The following PMEL variants were observed in gnomAD, a reference collection of about 807,000 sequenced individuals.
PMEL encodes melanocyte protein PMEL.
Under a neutral mutation model 64.9 loss-of-function variants are expected in PMEL, and 53 were observed. The observed-to-expected ratio is 0.82, with a 90% confidence interval of 0.66 to 1.03. PMEL has a LOEUF of 1.03. Ranked by LOEUF, PMEL falls within the 50% of genes least tolerant of loss-of-function variation. The probability of loss-of-function intolerance (pLI) is 0.00; values close to 1 mark genes in which losing one functional copy is unlikely to be tolerated. For synonymous variants in PMEL, 299 were observed against 316.2 expected (o/e 0.95, Z 0.58); for missense variants, 716 against 814.9 (o/e 0.88, Z 1.48).
chr12:55,964,393 C>CTTTGAG (rs1241810475), intron 1 of PMEL, among the ~76,000 whole-genome samples: 1 of 151,962 alleles, frequency 6.6e-6, no homozygotes, highest in African/African-American at 2.4e-5. Flanking sequence ...CTCCCAACTT[C>CTTTGAG]AGCTGATCCA....
In PMEL at chr12:55,955,519, C is replaced by A; in HGVS notation, c.1707G>T (p.Val569=). ...KGGSGTYCLN[V]SLADTNSLAV... is the part of the protein sequence containing the mutation. ...CCAGGCTGTTGGTATCAGCCAGAGA[C>A]ACATTGAGGCAGTATGTCCCCGAGC... The change falls in exon 9 of 11, where the codon GTG becomes GTT. Residue 569 remains valine (V), a synonymous_variant. Transcript: ENST00000548747. 1 of 1,614,138 alleles carries A rather than the reference C, an allele frequency of 6.2e-7. No individual in the cohort carries two copies. Among genetic ancestry groups the A allele is most frequent in the Non-Finnish European group, 8.5e-7 (1 of 1,180,038 alleles).
chr12:55,964,903 T>A (rs1197274850), intron 1 of PMEL, among the ~76,000 whole-genome samples: 1 of 149,386 alleles, frequency 6.7e-6, no homozygotes, highest in Non-Finnish European at 1.5e-5. Context: ...AGGCATGAGT[T>A]ACTGTGCCGG....
chr12:55,957,928 A>G lies in PMEL; in HGVS notation c.626T>C (p.Ile209Thr). Residue 209 changes from isoleucine to threonine, a missense_variant, in exon 5 of 11, where the codon ATT (isoleucine) becomes ACT (threonine). Transcript: ENST00000548747. ...GCCCCTTCCTAAACCCTTACCAGTA[A>G]TGGTGAAGGCTGAGCTGGAATGAGC... ...PLAHSSSAFT[I>T]TDQVPFSVSV... 1.9e-6 allele frequency: 3 copies of G among 1,614,104 alleles called. No homozygotes were observed. Among genetic ancestry groups the G allele is most frequent in the Non-Finnish European group, 2.5e-6 (3 of 1,179,992 alleles).
intron 1 of PMEL, among the ~76,000 whole-genome samples, chr12:55,962,860 C>T (rs1889158730): frequency 6.6e-6 from 1 of 150,786 alleles, no homozygotes; most frequent in African/African-American, 2.4e-5. Flanking sequence ...ACATAATTCA[C>T]ATACCATAAA....
intron 2 of PMEL, 76 bp from the exon 3 acceptor site, chr12:55,961,539 A>C (rs1889101870): frequency 6.3e-7 from 1 of 1,598,168 alleles, no homozygotes; most frequent in Non-Finnish European, 8.6e-7. Flanking sequence ...TTTTCTTCCC[A>C]AGCTACACTC....
In PMEL at chr12:55,955,823, G is replaced by T; in HGVS notation, c.1512C>A (p.Ser504=). 1 of 1,614,062 alleles carries T rather than the reference G, an allele frequency of 6.2e-7. No individual in the cohort carries two copies. Among genetic ancestry groups the T allele is most frequent in the Non-Finnish European group, 8.5e-7 (1 of 1,179,944 alleles). The part of the protein sequence containing the change: ...ESAEILQAVP[S]GEGDAFELTV... ...TCAGCTCAAATGCATCCCCCTCACC[G>T]GACGGCACAGCCTGCAGGATCTCGG... Residue 504 remains serine, a synonymous_variant, in exon 8 of 11, where the codon TCC becomes TCA. Coordinates refer to ENST00000548747, the MANE Select transcript of PMEL (RefSeq NM_001384361.1).
rs903007153 is a variant in PMEL, at chr12:55,958,314, AG to A, written c.469+158del. ...CCAGAAAGAATTATGATAGAGTTGA[AG>A]GGGGCTAGGTGCTAAGAAAGAGAAA... On this transcript the variant is annotated intron_variant, in intron 4 of 10. Transcript: ENST00000548747. 46 of 814,348 alleles carry A rather than the reference AG, an allele frequency of 5.6e-5. 1 individual carries two copies. The African/African-American group carries it at 7.2e-4, about 13-fold the overall frequency. 50.4% of individuals were successfully genotyped at this position (814,348 alleles called of 1,614,324 possible). A position where few individuals can be genotyped will look rare whatever the true frequency, so the allele number is the denominator to read the frequency against.
Position 55,955,477 on chromosome 12 carries a change from C to G in PMEL, c.1749G>C (p.Gln583His). 1 of 1,614,098 alleles carries G rather than the reference C, an allele frequency of 6.2e-7. No individual in the cohort carries two copies. Among genetic ancestry groups the G allele is most frequent in the East Asian group, 2.2e-5 (1 of 44,886 alleles). Residue 583 changes from glutamine to histidine, a missense_variant, in exon 9 of 11, where the codon CAG (glutamine) becomes CAC (histidine). Gln to His is a conservative substitution (Grantham distance 24). Transcript: ENST00000548747. Reference protein sequence around the residue: ...DTNSLAVVSTQLIMPGQEAGL... With the variant: ...DTNSLAVVSTHLIMPGQEAGL... ...CCAAGGACCTACCAGGCATGATAAG[C>G]TGGGTGCTGACCACTGCCAGGCTGT...
In PMEL at chr12:55,956,181, T is replaced by A; in HGVS notation, c.1393A>T (p.Arg465Trp). ...GPLLDGTATL[R>W]LVKRQVPLDC... ...AGGGGGACTTGTCTCTTCACCAGCC[T>A]TAAGGTGGCTGTACCATCCAGCAGG... The change falls in exon 7 of 11, where the codon AGG (arginine) becomes TGG (tryptophan). Residue 465 changes from arginine to tryptophan, a missense_variant. Transcript: ENST00000548747. 6.2e-7 allele frequency: 1 copy of A among 1,613,988 alleles called. No homozygotes were observed. The highest frequency in any genetic ancestry group is 1.1e-5 in the South Asian group (1 of 91,084).
chr12:55,955,558 C>T lies in PMEL; in HGVS notation c.1668G>A (p.Gln556=), dbSNP rs1212396951. Residue 556 remains glutamine (Q), a synonymous_variant, in exon 9 of 11, where the codon CAG becomes CAA. Coordinates refer to ENST00000548747, the MANE Select transcript of PMEL (RefSeq NM_001384361.1). ...PSPACQLVLH[Q]ILKGGSGTYC... The stretch of plus-strand genomic sequence containing the variant: ...ATGTCCCCGAGCCACCCTTCAGTAT[C>T]TGGTGCAGAACCAGCTGGCAGGCTG... 6.2e-6 allele frequency: 10 copies of T among 1,614,032 alleles called. No homozygotes were observed. In the Admixed American group the frequency reaches 1.2e-4, roughly 19 times the overall value.
chr12:55,960,919 G>C lies in PMEL; in HGVS notation c.334+398C>G, dbSNP rs528039172. 3.2e-4 allele frequency among the ~76,000 whole-genome samples: 48 copies of C among 150,980 alleles called. No individual in the cohort carries two copies. In the South Asian group the frequency reaches 6.5e-3, roughly 20 times the overall value. On this transcript the variant is annotated intron_variant, in intron 3 of 10. Transcript: ENST00000548747. ...ATAACTTGTTTTAAAAATTAAAGGA[G>C]GAGGCCGGGTGCGATGGCTCACGCC...
At position 55,958,382 on chromosome 12, in the gene PMEL, T is replaced by C. The variant is rs190124348; in HGVS notation, c.469+91A>G. 5.3e-5 allele frequency: 70 copies of C among 1,310,448 alleles called. No homozygotes were observed. The East Asian group carries it at 1.6e-3, about 29-fold the overall frequency. 81.2% of individuals were successfully genotyped at this position (1,310,448 alleles called of 1,614,324 possible). Reference sequence around the variant, plus strand: ...TGAAGATTAGAGAAAATCACAGAAGTTAAGGTGGAAGGGGCGGCCAAAAGA... The same window carrying C: ...TGAAGATTAGAGAAAATCACAGAAGCTAAGGTGGAAGGGGCGGCCAAAAGA... On this transcript the variant is annotated intron_variant, in intron 4 of 10. Transcript: ENST00000548747.
intron 1 of PMEL, 55 bp from the exon 2 acceptor site, chr12:55,961,787 A>G: frequency 2.8e-6 from 3 of 1,060,566 alleles, no homozygotes; most frequent in South Asian, 1.3e-5. Flanking sequence ...CTTCTCAGGG[A>G]TAACACTCTA....
At position 55,957,973 on chromosome 12, in the gene PMEL, G is replaced by A; in HGVS notation, c.581C>T (p.Ser194Phe). 6.2e-7 allele frequency: 1 copy of A among 1,614,216 alleles called. No individual in the cohort carries two copies. The highest frequency in any genetic ancestry group is 8.5e-7 in the Non-Finnish European group (1 of 1,180,048). The change falls in exon 5 of 11, where the codon TCC becomes TTC. Residue 194 changes from serine to phenylalanine, a missense_variant. Coordinates refer to ENST00000548747, the MANE Select transcript of PMEL (RefSeq NM_001384361.1). ...ATGAGCAAGAGGCACATAGCTCCGG[G>A]ATCCCCGGCGATGGTAGACAGTCAC... ...MEVTVYHRRG[S>F]RSYVPLAHSS... is the part of the protein sequence containing the mutation.
rs1176538860 is a variant in PMEL, at chr12:55,958,505, T to C, written c.437A>G (p.Lys146Arg). 1.2e-6 allele frequency: 2 copies of C among 1,614,044 alleles called. No individual in the cohort carries two copies. The highest frequency in any genetic ancestry group is 2.2e-5 in the South Asian group (2 of 91,078). Residue 146 changes from lysine (K) to arginine (R), a missense_variant, in exon 4 of 11, where the codon AAG (lysine) becomes AGG (arginine). Coordinates refer to ENST00000548747, the MANE Select transcript of PMEL (RefSeq NM_001384361.1). ...CTTCCAGACATAAACAAAGCTTCTC[T>C]TCTGAGACCAAGAGCCAGATGGGCA... is the stretch of plus-strand genomic sequence containing the variant. ...GPCPSGSWSQ[K>R]RSFVYVWKTW... is the part of the protein sequence containing the mutation.
rs1251241198 is a variant in PMEL, at chr12:55,962,464, A to AAC, written c.77-733_77-732insGT. Reference sequence around the variant, plus strand: ...ACTCCATCTCAAAAAAAAAAAAAAAAAAAAAAACACAAAAAACCCCTTATT... The same window carrying AAC: ...ACTCCATCTCAAAAAAAAAAAAAAAAACAAAAAAACACAAAAAACCCCTTATT... On this transcript the variant is annotated intron_variant, in intron 1 of 10. Transcript: ENST00000548747. 8.3e-5 allele frequency among the ~76,000 whole-genome samples: 12 copies of AAC among 144,712 alleles called. 1 individual carries two copies. Among genetic ancestry groups the AAC allele is most frequent in the African/African-American group, 3.2e-4 (12 of 36,938 alleles). 94.9% of individuals were successfully genotyped at this position (144,712 alleles called of 152,430 possible).
intron 4 of PMEL, 159 bp from the exon 5 acceptor site, chr12:55,958,243 CT>C: frequency 1.2e-6 from 1 of 812,662 alleles, no homozygotes; most frequent in Non-Finnish European, 1.9e-6. Flanking sequence ...GGAAGGGGTC[CT>C]AATGAGGCAT....
In PMEL at chr12:55,957,486, C is replaced by A; in HGVS notation, c.817G>T (p.Ala273Ser). Residue 273 changes from alanine (A) to serine (S), a missense_variant, in exon 6 of 11, where the codon GCA becomes TCA. Physicochemically the swap from Ala to Ser is moderately conservative, Grantham distance 99. Transcript: ENST00000548747. ...AGGTAAGTATGAGTGACCACAAGTG[C>A]CCGAGAGATCAGGGTTCCACTACTG... is the stretch of plus-strand genomic sequence containing the variant. ...GDSSGTLISRALVVTHTYLEP... is the reference protein window; with the variant it reads ...GDSSGTLISRSLVVTHTYLEP... The A allele has an allele frequency of 6.2e-7, 1 of 1,613,930 alleles. No homozygotes were observed. The highest frequency in any genetic ancestry group is 8.5e-7 in the Non-Finnish European group (1 of 1,179,980).
chr12:55,956,004 C>A, intron 7 of PMEL, 99 bp downstream of exon 7: 2 of 1,100,412 alleles, frequency 1.8e-6, no homozygotes, highest in Admixed American at 1.7e-5. Flanking sequence ...GGTATTCTTC[C>A]TATCTAGGTG....
Sources: gnomAD v4.1 joint callset for allele counts (sites outside exome capture counted in the v4.1 genomes callset) on GRCh38, gnomAD v4.1.1 for gene constraint, MANE v1.5 for transcripts, NCBI Gene and HGNC (gene_info 2026-07-23, HGNC 2026-07-21) for gene names.